HDAC9: variants seen among roughly 807,000 people sequenced by gnomAD.
HDAC9 encodes the protein histone deacetylase 9, also known as MEF-2 interacting transcription repressor (MITR) protein.
Under a neutral mutation model 139.4 loss-of-function variants are expected in HDAC9, and 41 were observed. The observed-to-expected ratio is 0.29, with a 90% CI of 0.23 to 0.38. The LOEUF (loss-of-function observed/expected upper bound fraction) is 0.38, where lower values mean the gene tolerates loss of function less well. Among genes scored for constraint, HDAC9 ranks in the 10% least tolerant of loss-of-function variants. HDAC9 has a pLI of 1.00. For synonymous variants in HDAC9, 517 were observed against 476.2 expected, an observed-to-expected ratio of 1.09 and a Z score of -1.12; for missense variants, 1,147 against 1,297.0, an observed-to-expected ratio of 0.88 and a Z score of 1.78.
chr7:18,922,244 A>C (rs921673212), intron 22 of HDAC9, among the ~76,000 whole-genome samples: 37 of 152,064 alleles, frequency 2.4e-4, no homozygotes, highest in African/African-American at 8.4e-4. Context: ...TAATTAAAAA[A>C]CATTAATTAT....
At chr7:18,537,182 A>G (rs977182865) in intron 2 of HDAC9, among the ~76,000 whole-genome samples, 24 of 152,160 alleles carry the variant, frequency 1.6e-4, no homozygotes, top group Non-Finnish European at 1.5e-5. Flanking sequence ...ATCTTCTAAC[A>G]AAAACTACCA....
intron 11 of HDAC9, among the ~76,000 whole-genome samples, 197 bp downstream of exon 11, chr7:18,648,880 T>A (rs557729476): frequency 5.3e-5 from 8 of 152,118 alleles, no homozygotes; most frequent in Non-Finnish European, 1.0e-4. Flanking sequence ...CATAAGACAT[T>A]TGTAGCAAAA....
At chr7:18,707,338 G>C (rs1394487557) in intron 12 of HDAC9, among the ~76,000 whole-genome samples, 1 of 152,214 alleles carries the variant, frequency 6.6e-6, no homozygotes, top group Non-Finnish European at 1.5e-5. Context: ...AAGTGATGGA[G>C]GATAGATTGT....
intron 1 of HDAC9, among the ~76,000 whole-genome samples, chr7:18,385,499 T>C (rs954993501): frequency 1.3e-5 from 2 of 152,248 alleles, no homozygotes; most frequent in Non-Finnish European, 1.5e-5. Context: ...TATATCACTA[T>C]AGATACATTG....
intron 2 of HDAC9, among the ~76,000 whole-genome samples, chr7:18,164,871 A>T (rs1215845609): frequency 6.6e-6 from 1 of 152,192 alleles, no homozygotes; most frequent in Non-Finnish European, 1.5e-5. Flanking sequence ...TCTGGATAAG[A>T]TTGGCAGCTA....
intron 1 of HDAC9, among the ~76,000 whole-genome samples, chr7:18,146,317 T>C (rs1786321100): frequency 6.6e-6 from 1 of 152,234 alleles, no homozygotes; most frequent in African/African-American, 2.4e-5. Flanking sequence ...TAGAATAATA[T>C]GTTTACCTTC....
intron 1 of HDAC9, among the ~76,000 whole-genome samples, chr7:18,394,809 A>G (rs1248440424): frequency 3.9e-5 from 6 of 152,132 alleles, no homozygotes; most frequent in African/African-American, 7.2e-5. Context: ...GAACTGTTGT[A>G]TGGAGGAGCG....
At chr7:18,100,230 TTC>T (rs1382237589) in intron 1 of HDAC9, among the ~76,000 whole-genome samples, 3 of 152,190 alleles carry the variant, frequency 2.0e-5, no homozygotes, top group African/African-American at 7.2e-5. Context: ...CTATAACGTA[TTC>T]TGTTTATTCC....
chr7:18,891,631 G>T (rs1800690576), intron 22 of HDAC9, among the ~76,000 whole-genome samples: 1 of 152,124 alleles, frequency 6.6e-6, no homozygotes, highest in Non-Finnish European at 1.5e-5. Context: ...GGGTGCTTGG[G>T]GCCCTAGCTC....
intron 17 of HDAC9, among the ~76,000 whole-genome samples, chr7:18,798,504 C>G (rs1792999629): frequency 6.6e-6 from 1 of 152,132 alleles, no homozygotes. Context: ...AGCCTGCATT[C>G]TTAGCATAAA....
intron 2 of HDAC9, among the ~76,000 whole-genome samples, chr7:18,182,349 A>C (rs570286121): frequency 6.6e-6 from 1 of 152,360 alleles, no homozygotes; most frequent in South Asian, 2.1e-4. Flanking sequence ...TACAAGTATT[A>C]GGAGCAGGCT....
intron 1 of HDAC9, among the ~76,000 whole-genome samples, chr7:18,131,651 T>C (rs1377008225): frequency 6.6e-6 from 1 of 152,140 alleles, no homozygotes; most frequent in African/African-American, 2.4e-5. Context: ...GCCAAAGCTT[T>C]GGTCATTGTC....
intron 2 of HDAC9, among the ~76,000 whole-genome samples, chr7:18,174,064 C>T (rs145714496): frequency 0.041 from 6,247 of 152,256 alleles, 164 homozygotes; most frequent in Non-Finnish European, 0.058. Context: ...TTCCATTCTC[C>T]CCATCACTTT....
intron 1 of HDAC9, among the ~76,000 whole-genome samples, chr7:18,333,501 A>G (rs1032379717): frequency 1.3e-5 from 2 of 151,526 alleles, no homozygotes; most frequent in South Asian, 4.1e-4. Context: ...ATCCCATGTC[A>G]TCAGGATATA....
intron 22 of HDAC9, among the ~76,000 whole-genome samples, chr7:18,901,955 T>C (rs1292991206): frequency 6.6e-6 from 1 of 152,224 alleles, no homozygotes; most frequent in Non-Finnish European, 1.5e-5. Flanking sequence ...TATTTTCTTC[T>C]ACCCTTTCAG....
intron 17 of HDAC9, among the ~76,000 whole-genome samples, chr7:18,799,099 C>T (rs974432615): frequency 6.7e-6 from 1 of 150,192 alleles, no homozygotes; most frequent in Non-Finnish European, 1.5e-5. Context: ...ACACACAGAG[C>T]CCCTCGGCAA....
chr7:18,121,519 G>T (rs1784362930), intron 1 of HDAC9, among the ~76,000 whole-genome samples: 1 of 146,080 alleles, frequency 6.8e-6, no homozygotes, highest in South Asian at 2.2e-4. Context: ...TACAGCCAAG[G>T]TAAGGTGAGC....
chr7:18,212,080 A>T (rs1451962351), intron 2 of HDAC9, among the ~76,000 whole-genome samples: 2 of 152,176 alleles, frequency 1.3e-5, no homozygotes, highest in Admixed American at 6.6e-5. Flanking sequence ...CCAAGTCTTC[A>T]TAGCTATCTA....
intron 14 of HDAC9, 94 bp from the exon 15 acceptor site, chr7:18,762,063 G>T: frequency 7.7e-7 from 1 of 1,306,604 alleles, no homozygotes; most frequent in Non-Finnish European, 1.1e-6. Flanking sequence ...ATGAAATTCA[G>T]CCCATTATTA....
Sources: allele counts gnomAD v4.1 joint callset (sites outside exome capture counted in the v4.1 genomes callset), GRCh38; gene constraint gnomAD v4.1.1; transcripts MANE v1.5; gene names NCBI Gene and HGNC (gene_info 2026-07-23, HGNC 2026-07-21).